The following FHIT variants were observed in gnomAD, a reference collection of about 807,000 sequenced individuals.
FHIT encodes the protein bis(5'-adenosyl)-triphosphatase.
FHIT carries 19 observed loss-of-function variants against 17.9 expected under a neutral mutation model. The observed-to-expected ratio is 1.06, with a 90% CI of 0.74 to 1.56. The LOEUF is 1.56. Among genes scored for constraint, FHIT ranks in the 40% most tolerant of loss-of-function variants. The probability of loss-of-function intolerance (pLI) is 0.00; values close to 1 mark genes in which losing one functional copy is unlikely to be tolerated. For missense variants in FHIT, 248 were observed against 189.2 expected (o/e 1.31, Z -1.82); for synonymous variants, 81 against 69.7 (o/e 1.16, Z -0.81).
chr3:60,744,271 A>AAAAAAAAAAAAAAAAAAAAAC (rs2042309303), intron 4 of FHIT, among the ~76,000 whole-genome samples: 21 of 52,090 alleles, frequency 4.0e-4, no homozygotes, highest in African/African-American at 1.8e-3. Context: ...AACAAAACAA[A>AAAAAAAAAAAAAAAAAAAAAC]AAAAAAAAAA....
At chr3:61,039,309 A>G (rs557335012) in intron 3 of FHIT, among the ~76,000 whole-genome samples, 2 of 152,272 alleles carry the variant, frequency 1.3e-5, no homozygotes, top group East Asian at 3.9e-4. Flanking sequence ...AGATTACTAC[A>G]ACAACATTTT....
chr3:61,189,455 C>T (rs1489845124), intron 2 of FHIT, among the ~76,000 whole-genome samples: 1 of 152,190 alleles, frequency 6.6e-6, no homozygotes, highest in Non-Finnish European at 1.5e-5. Context: ...AATGGAAGAA[C>T]ATTCCATGCC....
intron 5 of FHIT, among the ~76,000 whole-genome samples, chr3:60,067,698 T>A (rs1460793736): frequency 1.3e-5 from 2 of 152,180 alleles, no homozygotes; most frequent in Non-Finnish European, 2.9e-5. Flanking sequence ...TTAGTCGACA[T>A]GAAGGCTCAA....
At chr3:59,983,470 T>G (rs13092798) in intron 7 of FHIT, among the ~76,000 whole-genome samples, 22 of 152,136 alleles carry the variant, frequency 1.4e-4, no homozygotes, top group Non-Finnish European at 2.2e-4. Flanking sequence ...TACAATATAT[T>G]GGTATAGTTG....
intron 3 of FHIT, among the ~76,000 whole-genome samples, chr3:61,021,803 C>A (rs1223573986): frequency 6.6e-6 from 1 of 151,918 alleles, no homozygotes; most frequent in African/African-American, 2.4e-5. Context: ...CCAATAAGAA[C>A]AAAGACACAA....
chr3:60,298,499 C>T (rs1708307989), intron 5 of FHIT, among the ~76,000 whole-genome samples: 1 of 152,174 alleles, frequency 6.6e-6, no homozygotes, highest in South Asian at 2.1e-4. Flanking sequence ...AGTATTCGAT[C>T]TTCCAACACT....
intron 5 of FHIT, among the ~76,000 whole-genome samples, chr3:60,194,303 C>G (rs559515729): frequency 6.6e-6 from 1 of 152,194 alleles, no homozygotes; most frequent in South Asian, 2.1e-4. Flanking sequence ...ACCAAGTGAT[C>G]TGAAACAAAG....
intron 2 of FHIT, among the ~76,000 whole-genome samples, chr3:61,120,517 C>G (rs991102006): frequency 1.3e-5 from 2 of 152,142 alleles, no homozygotes; most frequent in African/African-American, 4.8e-5. Context: ...TGTACATCAT[C>G]CCTTGGCAGT....
At position 61,124,587 on chromosome 3, in the gene FHIT, A is replaced by G. The variant is rs996567370; in HGVS notation, c.-164+76030T>C. Among the ~76,000 whole-genome samples the G allele has an allele frequency of 3.3e-5, 5 of 152,314 alleles. No individual in the cohort carries two copies. In the East Asian group the frequency reaches 9.6e-4, roughly 29 times the overall value. Reference sequence around the variant, plus strand: ...TTATAATCAGCTCTTAAAAATAAGTACAAGCTAGCTCCAAAAATGTCTATA... The same window carrying G: ...TTATAATCAGCTCTTAAAAATAAGTGCAAGCTAGCTCCAAAAATGTCTATA... On this transcript the variant is annotated intron_variant, in intron 2 of 9. Coordinates refer to ENST00000492590, the MANE Select transcript of FHIT (RefSeq NM_002012.4).
At chr3:60,051,096 AGGGAGCTTCT>A (rs1701858000) in intron 5 of FHIT, among the ~76,000 whole-genome samples, 1 of 152,172 alleles carries the variant, frequency 6.6e-6, no homozygotes. Flanking sequence ...GTAAGGAAGT[AGGGAGCTTCT>A]GGTCTGCATA....
intron 3 of FHIT, among the ~76,000 whole-genome samples, chr3:60,957,777 T>A (rs1438350737): frequency 6.6e-6 from 1 of 152,186 alleles, no homozygotes; most frequent in Non-Finnish European, 1.5e-5. Context: ...AAAGCACCTG[T>A]TTCCCTTGCT....
rs571060910 is a variant in FHIT at position 60,109,130 on chromosome 3, G to C, written c.104-94978C>G. 2.5e-3 allele frequency among the ~76,000 whole-genome samples: 362 copies of C among 142,396 alleles called. 1 individual carries two copies. Among genetic ancestry groups the C allele is most frequent in the African/African-American group, 8.3e-3 (334 of 40,196 alleles). The allele number at this position is 142,396 out of a possible 152,430, so 93.4% of individuals were successfully genotyped here. A position where few individuals can be genotyped will look rare whatever the true frequency, so the allele number is the denominator to read the frequency against. On this transcript the variant is annotated intron_variant, in intron 5 of 9. Transcript: ENST00000492590. ...TAGATGCTGTAAAAGAGGGGGACGG[G>C]GGTAGGGGCAGGGAGAGAGAGAGAT...
chr3:59,812,940 A>C (rs2107053799), intron 8 of FHIT, among the ~76,000 whole-genome samples: 1 of 152,318 alleles, frequency 6.6e-6, no homozygotes, highest in South Asian at 2.1e-4. Context: ...ACACCACATT[A>C]AACTTACTTA....
chr3:60,289,596 T>C (rs924816266), intron 5 of FHIT, among the ~76,000 whole-genome samples: 2 of 152,212 alleles, frequency 1.3e-5, no homozygotes, highest in African/African-American at 2.4e-5. Context: ...AAGCCTTTTA[T>C]AGTTGCTGTC....
At chr3:59,899,525 T>G (rs1020123393) in intron 8 of FHIT, among the ~76,000 whole-genome samples, 1 of 152,064 alleles carries the variant, frequency 6.6e-6, no homozygotes, top group Non-Finnish European at 1.5e-5. Flanking sequence ...TGCAAGTCAA[T>G]GGAAGGTTTA....
At chr3:60,180,324 A>C (rs1167643526) in intron 5 of FHIT, among the ~76,000 whole-genome samples, 2 of 152,216 alleles carry the variant, frequency 1.3e-5, no homozygotes, top group Non-Finnish European at 2.9e-5. Flanking sequence ...AAAAAGGAGA[A>C]AGAGAAAAAC....
At chr3:59,852,298 TTATATCACACATAC>T (rs961228864) in intron 8 of FHIT, among the ~76,000 whole-genome samples, 1 of 152,172 alleles carries the variant, frequency 6.6e-6, no homozygotes, top group African/African-American at 2.4e-5. Flanking sequence ...CGGGTGGTGT[TTATATCACACATAC>T]TATATACCAA....
At chr3:59,766,757 A>G (rs1384358415) in intron 8 of FHIT, among the ~76,000 whole-genome samples, 1 of 152,162 alleles carries the variant, frequency 6.6e-6, no homozygotes, top group African/African-American at 2.4e-5. Context: ...TCTGCCTATC[A>G]TTGGGGAATG....
Position 59,997,320 on chromosome 3 carries a change from T to C in FHIT, c.279+14051A>G, listed in dbSNP as rs1425931181. 4.6e-5 allele frequency among the ~76,000 whole-genome samples: 7 copies of C among 152,202 alleles called. No homozygotes were observed. In the South Asian group the frequency reaches 1.0e-3, roughly 23 times the overall value. On this transcript the variant is annotated intron_variant, in intron 7 of 9. Coordinates refer to ENST00000492590, the MANE Select transcript of FHIT (RefSeq NM_002012.4). Reference sequence around the variant, plus strand: ...TCTAGGTAGAAGAAGAAATAGAGAATCAATCCAAATTGCCAGAGAAGTCTG... The same window carrying C: ...TCTAGGTAGAAGAAGAAATAGAGAACCAATCCAAATTGCCAGAGAAGTCTG...
Sources: gnomAD v4.1 joint callset for allele counts (sites outside exome capture counted in the v4.1 genomes callset) on GRCh38, gnomAD v4.1.1 for gene constraint, MANE v1.5 for transcripts, NCBI Gene and HGNC (gene_info 2026-07-23, HGNC 2026-07-21) for gene names.